Variants in MLC1 observed in about 807,000 individuals in gnomAD.
MLC1 encodes membrane protein MLC1.
Under a neutral mutation model 44.7 loss-of-function variants are expected in MLC1, and 32 were observed. That is an observed-to-expected ratio of 0.72 (90% CI 0.54 to 0.96). The LOEUF (loss-of-function observed/expected upper bound fraction) is 0.96. MLC1 is among the 40% of genes least tolerant of loss of function. The pLI is 0.00. For missense variants in MLC1, 459 were observed against 492.2 expected (o/e 0.93, Z 0.64); for synonymous variants, 190 against 213.0 (o/e 0.89, Z 0.94).
rs77481293 is a variant in MLC1 at position 50,067,213 on chromosome 22, T to C, written c.894+1220A>G. On this transcript the variant is annotated intron_variant, in intron 10 of 11. Coordinates refer to ENST00000311597, the MANE Select transcript of MLC1 (RefSeq NM_015166.4). ...GAAGAAAAAACCCTGGGCCGGGTGT[T>C]GTAGCTCACTCCTGTAATCCCAGCA... 2.1e-3 allele frequency among the ~76,000 whole-genome samples: 315 copies of C among 152,142 alleles called. 2 individuals are homozygous for C. Among genetic ancestry groups the C allele is most frequent in the African/African-American group, 7.5e-3 (311 of 41,482 alleles).
chr22:50,063,706 T>C (rs111834984), intron 11 of MLC1, among the ~76,000 whole-genome samples: 6,009 of 79,168 alleles, frequency 0.076, 478 homozygotes, highest in South Asian at 0.17. Context: ...CTCACCTCCC[T>C]GGCTGAGCAC....
At chr22:50,066,654 T>C (rs936703935) in intron 10 of MLC1, among the ~76,000 whole-genome samples, 16 of 147,550 alleles carry the variant, frequency 1.1e-4, no homozygotes, top group African/African-American at 4.0e-4. Flanking sequence ...AGTGAGACTC[T>C]ATCTTAAAAA....
Position 50,068,510 on chromosome 22 carries a change from A to G in MLC1, c.817T>C (p.Phe273Leu). ...AATGACAGATATCCAGAGGCTGTGA[A>G]CAGCAGCGGAGACGTGAGGCTGCTT... ...AISSLTSPLL[F>L]TASGYLSFSI... Residue 273 changes from phenylalanine to leucine, a missense_variant, in exon 10 of 12, where the codon TTC becomes CTC. Physicochemically the swap from Phe to Leu is conservative, Grantham distance 22. Transcript: ENST00000311597. 6.2e-7 allele frequency: 1 copy of G among 1,613,656 alleles called. No homozygotes were observed. Among genetic ancestry groups the G allele is most frequent in the Non-Finnish European group, 8.5e-7 (1 of 1,179,692 alleles).
rs925041610 is a variant in MLC1 at position 50,060,186 on chromosome 22, T to A, written c.*1397A>T. ...ATCAGAAGGAAAGAAACAAAACCAT[T>A]GTGAAGGAAAACACCTGCTGGAAAG... is the stretch of plus-strand genomic sequence containing the variant. On this transcript the variant is annotated 3_prime_UTR_variant, in exon 12 of 12. Coordinates refer to ENST00000311597, the MANE Select transcript of MLC1 (RefSeq NM_015166.4). 6.6e-6 allele frequency: 1 copy of A among 152,342 alleles called. No homozygotes were observed. Among genetic ancestry groups the A allele is most frequent in the East Asian group, 1.9e-4 (1 of 5,330 alleles). 9.4% of individuals were successfully genotyped at this position (152,342 alleles called of 1,614,324 possible). A position where few individuals can be genotyped will look rare whatever the true frequency, so the allele number is the denominator to read the frequency against.
chr22:50,074,413 C>T lies in MLC1; in HGVS notation c.598-81G>A, dbSNP rs2061931074. On this transcript the variant is annotated intron_variant, in intron 7 of 11. Transcript: ENST00000311597. ...CCAGAATGCACTGTGCAGACATGGA[C>T]CCCCAGGAGCAGGGTCCAGTGGGCT... The T allele has an allele frequency of 2.1e-5, 26 of 1,251,102 alleles. No individual in the cohort carries two copies. In the South Asian group the frequency reaches 2.9e-4, roughly 14 times the overall value. The allele number at this position is 1,251,102 out of a possible 1,614,324, so 77.5% of individuals were successfully genotyped here. A position where few individuals can be genotyped will look rare whatever the true frequency, so the allele number is the denominator to read the frequency against.
At chr22:50,074,640 T>C in intron 7 of MLC1, 1 of 394,394 alleles carries the variant, frequency 2.5e-6, no homozygotes, top group Non-Finnish European at 4.9e-6. Flanking sequence ...ACCAAGACCC[T>C]CAGACTCCCT....
intron 11 of MLC1, among the ~76,000 whole-genome samples, 195 bp from the exon 12 acceptor site, chr22:50,061,852 C>T (rs1017205422): frequency 2.0e-5 from 3 of 152,180 alleles, no homozygotes; most frequent in Non-Finnish European, 4.4e-5. Context: ...GTCCCAGAAA[C>T]GCCTGCATCC....
Position 50,080,367 on chromosome 22 carries a change from C to A in MLC1, c.298G>T (p.Val100Phe), listed in dbSNP as rs529062080. The A allele has an allele frequency of 6.2e-7, 1 of 1,607,914 alleles. No individual in the cohort carries two copies. Among genetic ancestry groups the A allele is most frequent in the South Asian group, 1.1e-5 (1 of 89,674 alleles). ...CIPSAIVSFT[V>F]SRRNANVIPN... The stretch of plus-strand genomic sequence containing the variant: ...ACCACATTGGCGTTCCTCCTGGAGA[C>A]GGTGAAGCTCACAATTGCCGAGGGG... The change falls in exon 4 of 12, where the codon GTC becomes TTC. Residue 100 changes from valine (V) to phenylalanine (F), a missense_variant. Transcript: ENST00000311597.
chr22:50,083,548 C>G lies in MLC1; in HGVS notation c.178-375G>C, dbSNP rs1017933843. Among the ~76,000 whole-genome samples the G allele has an allele frequency of 1.3e-5, 2 of 152,208 alleles. No homozygotes were observed. The highest frequency in any genetic ancestry group is 4.8e-5 in the African/African-American group (2 of 41,452). On this transcript the variant is annotated intron_variant, in intron 2 of 11. Coordinates refer to ENST00000311597, the MANE Select transcript of MLC1 (RefSeq NM_015166.4). The surrounding 1 kb of genome is among the most constrained non-coding windows in gnomAD (Gnocchi z 4.6). ...CAGATCCCACACCCAGGTCCAGACA[C>G]GAGACTGGAAAACAACTGCCCATCC...
intron 8 of MLC1, among the ~76,000 whole-genome samples, chr22:50,071,661 G>A (rs1199843969): frequency 2.0e-5 from 3 of 152,292 alleles, no homozygotes; most frequent in East Asian, 3.9e-4. Flanking sequence ...TCCTGATGAC[G>A]CTGACTTGAC....
intron 11 of MLC1, 71 bp from the exon 12 acceptor site, chr22:50,061,728 C>T (rs2061562868): frequency 6.4e-6 from 9 of 1,397,644 alleles, no homozygotes; most frequent in Middle Eastern, 1.8e-4. Context: ...ACACGCCACT[C>T]GGCCACAGGC....
intron 11 of MLC1, among the ~76,000 whole-genome samples, chr22:50,062,997 T>C (rs978388118): frequency 1.3e-5 from 2 of 152,086 alleles, no homozygotes; most frequent in African/African-American, 4.8e-5. Context: ...CCAGGCTGGG[T>C]GGGCATTGCC....
intron 7 of MLC1, among the ~76,000 whole-genome samples, chr22:50,075,615 C>A (rs922097065): frequency 6.6e-6 from 1 of 150,840 alleles, no homozygotes; most frequent in African/African-American, 2.4e-5. Context: ...GAGGCTGAGG[C>A]GGGAGAATCG....
Position 50,083,170 on chromosome 22 carries a change from A to T in MLC1, c.181T>A (p.Cys61Ser). 6.2e-7 allele frequency: 1 copy of T among 1,614,004 alleles called. No individual in the cohort carries two copies. Among genetic ancestry groups the T allele is most frequent in the South Asian group, 1.1e-5 (1 of 91,076 alleles). The change falls in exon 3 of 12, where the codon TGC (cysteine) becomes AGC (serine). Residue 61 changes from cysteine (C) to serine (S), a missense_variant. Transcript: ENST00000311597. This position sits in a 1 kb window ranked among gnomAD's most constrained non-coding sequence, Gnocchi z 4.6. ...GAAAACCCCGAGGTCACCAGGAGGCAGCTCTGCAAGACAGCGACAGAATCC... is the reference window on the plus strand; with the variant it reads ...GAAAACCCCGAGGTCACCAGGAGGCTGCTCTGCAAGACAGCGACAGAATCC... ...TWVFSVLMGS[C>S]LLVTSGFSLY...
intron 11 of MLC1, 58 bp downstream of exon 11, chr22:50,063,975 TG>T: frequency 7.0e-7 from 1 of 1,432,420 alleles, no homozygotes; most frequent in East Asian, 2.6e-5. Context: ...CCTCCCTGGC[TG>T]GGCACCCCCG....
chr22:50,074,869 G>A (rs2061941262), intron 7 of MLC1, among the ~76,000 whole-genome samples: 1 of 152,200 alleles, frequency 6.6e-6, no homozygotes, highest in Non-Finnish European at 1.5e-5. Flanking sequence ...AGAAATTTCT[G>A]CATAATCTGC....
chr22:50,061,305 G>T lies in MLC1; in HGVS notation c.*278C>A. 2 of 514,716 alleles carry T rather than the reference G, an allele frequency of 3.9e-6. No individual in the cohort carries two copies. Among genetic ancestry groups the T allele is most frequent in the South Asian group, 4.1e-5 (2 of 48,996 alleles). 31.9% of individuals were successfully genotyped at this position (514,716 alleles called of 1,614,324 possible). A position where few individuals can be genotyped will look rare whatever the true frequency, so the allele number is the denominator to read the frequency against. ...TGGGGCTCTCAAGAGGCCGAGCCGG[G>T]GGCCCTTCCTCGGCCTGGGAAGTTG... is the stretch of plus-strand genomic sequence containing the variant. On this transcript the variant is annotated 3_prime_UTR_variant, in exon 12 of 12. Coordinates refer to ENST00000311597, the MANE Select transcript of MLC1 (RefSeq NM_015166.4).
At chr22:50,084,265 G>T (rs1366141284) in intron 2 of MLC1, among the ~76,000 whole-genome samples, 1 of 152,108 alleles carries the variant, frequency 6.6e-6, no homozygotes, top group Non-Finnish European at 1.5e-5. Context: ...GTCCACCCCA[G>T]ACCTGTTCCT....
chr22:50,074,145 G>A (rs535711197), intron 8 of MLC1, 71 bp downstream of exon 8: 20 of 1,316,282 alleles, frequency 1.5e-5, no homozygotes, highest in Middle Eastern at 1.8e-4. Flanking sequence ...GACTGAGCTC[G>A]GGGCCCAGCC....
Sources: gnomAD v4.1 joint callset for allele counts (sites outside exome capture counted in the v4.1 genomes callset) on GRCh38, gnomAD v4.1.1 for gene constraint, Gnocchi (gnomAD v3.1) non-coding constraint, MANE v1.5 for transcripts, NCBI Gene and HGNC (gene_info 2026-07-23, HGNC 2026-07-21) for gene names.